LRP12: variants seen among roughly 807,000 people sequenced by gnomAD.
LRP12 encodes the protein LDL receptor related protein 12.
LRP12 carries 14 observed loss-of-function variants against 66.0 expected under a neutral mutation model. The observed-to-expected ratio is 0.21, with a 90% confidence interval of 0.14 to 0.33. The LOEUF (loss-of-function observed/expected upper bound fraction) is 0.33, where lower values mean the gene tolerates loss of function less well. Among genes scored for constraint, LRP12 ranks in the 10% least tolerant of loss-of-function variants. The pLI, the probability that LRP12 is intolerant of heterozygous loss-of-function variation, is 1.00. For synonymous variants in LRP12, 357 were observed against 359.1 expected, an observed-to-expected ratio of 0.99 and a Z score of 0.07; for missense variants, 889 against 1,053.4, an observed-to-expected ratio of 0.84 and a Z score of 2.16.
chr8:104,499,462 T>C lies in LRP12; in HGVS notation c.330A>G (p.Ile110Met), dbSNP rs1810789981. 6 of 1,613,766 alleles carry C rather than the reference T, an allele frequency of 3.7e-6. No homozygotes were observed. The highest frequency in any genetic ancestry group is 5.1e-6 in the Non-Finnish European group (6 of 1,179,810). Residue 110 changes from isoleucine to methionine, a missense_variant, in exon 4 of 7, where the codon ATA becomes ATG. Transcript: ENST00000276654. Reference protein sequence around the residue: ...SRRCNLDWLTIETYKNIESYR... With the variant: ...SRRCNLDWLTMETYKNIESYR... The stretch of plus-strand genomic sequence containing the variant: ...AACTTTCAATATTCTTGTATGTTTC[T>C]ATTGTCAACCAGTCCAAATTGCACC...
At chr8:104,542,440 C>T (rs1360916183) in intron 1 of LRP12, among the ~76,000 whole-genome samples, 1 of 152,170 alleles carries the variant, frequency 6.6e-6, no homozygotes, top group Non-Finnish European at 1.5e-5. Context: ...TTCTCCCATT[C>T]TATAAGCTGA....
rs186583369 is a variant in LRP12, at chr8:104,588,964, A to C, written c.-67T>G. 902 of 905,854 alleles carry C rather than the reference A, an allele frequency of 1.0e-3. 2 individuals carry two copies. In the African/African-American group the frequency reaches 0.018, roughly 18 times the overall value. 56.1% of individuals were successfully genotyped at this position (905,854 alleles called of 1,614,324 possible). ...AGGGAGGAGAAGCTGGAGGTAGACG[A>C]CGCCGACGCCGCCGCCGCCGCCGCC... On this transcript the variant is annotated 5_prime_UTR_variant, in exon 1 of 7. Transcript: ENST00000276654.
chr8:104,524,951 G>C (rs1811208103), intron 2 of LRP12, among the ~76,000 whole-genome samples: 1 of 152,028 alleles, frequency 6.6e-6, no homozygotes, highest in African/African-American at 2.4e-5. Context: ...ATGTGTACAA[G>C]GGCCTTGTGG....
chr8:104,524,989 C>T (rs1811209215), intron 2 of LRP12, among the ~76,000 whole-genome samples: 1 of 152,062 alleles, frequency 6.6e-6, no homozygotes, highest in African/African-American at 2.4e-5. Context: ...AGATATATTT[C>T]ATTCTATGTA....
At chr8:104,549,587 A>G (rs1017814081) in intron 1 of LRP12, among the ~76,000 whole-genome samples, 1 of 151,894 alleles carries the variant, frequency 6.6e-6, no homozygotes, top group Non-Finnish European at 1.5e-5. Flanking sequence ...TATTTTTAGT[A>G]GAGATGGGGT....
chr8:104,521,917 A>C (rs1811158512), intron 2 of LRP12, among the ~76,000 whole-genome samples: 1 of 151,952 alleles, frequency 6.6e-6, no homozygotes. Context: ...TACATAGGAA[A>C]GGTGCAAAGG....
At chr8:104,496,413 ACATTT>A (rs1418515180) in intron 5 of LRP12, among the ~76,000 whole-genome samples, 2 of 152,148 alleles carry the variant, frequency 1.3e-5, no homozygotes, top group Admixed American at 6.5e-5. Context: ...TTCTACTCAT[ACATTT>A]CAAGTGGCAC....
chr8:104,553,353 C>T (rs1444655664), intron 1 of LRP12, among the ~76,000 whole-genome samples: 1 of 152,164 alleles, frequency 6.6e-6, no homozygotes, highest in East Asian at 1.9e-4. Context: ...GGGCCAAGTT[C>T]TCAGCCTTGC....
intron 1 of LRP12, among the ~76,000 whole-genome samples, chr8:104,572,497 C>G (rs568217477): frequency 1.3e-5 from 2 of 151,846 alleles, no homozygotes; most frequent in African/African-American, 4.8e-5. Flanking sequence ...AAACAGAAAA[C>G]AAGGAAAGCA....
At chr8:104,538,123 G>A (rs542860536) in intron 1 of LRP12, among the ~76,000 whole-genome samples, 1 of 152,310 alleles carries the variant, frequency 6.6e-6, no homozygotes, top group African/African-American at 2.4e-5. Flanking sequence ...ACGATGATAG[G>A]CGTAAGCCTA....
intron 2 of LRP12, among the ~76,000 whole-genome samples, chr8:104,518,826 T>C (rs1036520537): frequency 2.0e-5 from 3 of 151,872 alleles, no homozygotes; most frequent in African/African-American, 7.3e-5. Flanking sequence ...AGTAGAATAG[T>C]AGCAATAAGG....
chr8:104,582,261 C>A (rs1479347521), intron 1 of LRP12, among the ~76,000 whole-genome samples: 1 of 151,994 alleles, frequency 6.6e-6, no homozygotes, highest in Non-Finnish European at 1.5e-5. Context: ...CAAACTGATA[C>A]CAGCAAGTAA....
At chr8:104,541,413 T>C (rs1180515585) in intron 1 of LRP12, among the ~76,000 whole-genome samples, 1 of 152,192 alleles carries the variant, frequency 6.6e-6, no homozygotes, top group Non-Finnish European at 1.5e-5. Context: ...TGACTGTGGT[T>C]CACAAGAATA....
At chr8:104,574,265 T>C (rs749944630) in intron 1 of LRP12, among the ~76,000 whole-genome samples, 29 of 152,204 alleles carry the variant, frequency 1.9e-4, no homozygotes, top group Non-Finnish European at 3.7e-4. Flanking sequence ...CGAATTAATG[T>C]TTTAATAATT....
intron 1 of LRP12, among the ~76,000 whole-genome samples, chr8:104,572,747 C>A (rs1477321874): frequency 6.6e-6 from 1 of 151,766 alleles, no homozygotes; most frequent in Non-Finnish European, 1.5e-5. Context: ...TATAAATTAG[C>A]AAAACTGACT....
intron 2 of LRP12, among the ~76,000 whole-genome samples, chr8:104,517,607 A>G (rs1479833200): frequency 6.6e-6 from 1 of 152,122 alleles, no homozygotes; most frequent in African/African-American, 2.4e-5. Context: ...TGAAAGTTTC[A>G]CGACAGCAAA....
intron 1 of LRP12, among the ~76,000 whole-genome samples, chr8:104,542,106 T>C (rs1164966957): frequency 6.6e-6 from 1 of 152,172 alleles, no homozygotes; most frequent in African/African-American, 2.4e-5. Flanking sequence ...CCATTTTACA[T>C]TCTGATCAGC....
chr8:104,569,298 A>G (rs1480660473), intron 1 of LRP12, among the ~76,000 whole-genome samples: 8 of 152,194 alleles, frequency 5.3e-5, no homozygotes, highest in Non-Finnish European at 2.9e-5. Flanking sequence ...GTTAATAGGT[A>G]CAGAGTTTCC....
chr8:104,533,008 GTA>G (rs574648032), intron 1 of LRP12, among the ~76,000 whole-genome samples: 12 of 152,130 alleles, frequency 7.9e-5, no homozygotes, highest in African/African-American at 2.6e-4. Flanking sequence ...ACTGTGTAAA[GTA>G]TATTATTGTT....
Sources: gnomAD v4.1 joint callset for allele counts (sites outside exome capture counted in the v4.1 genomes callset) on GRCh38, gnomAD v4.1.1 for gene constraint, MANE v1.5 for transcripts, NCBI Gene and HGNC (gene_info 2026-07-23, HGNC 2026-07-21) for gene names.